The following SPCS2 variants were observed in gnomAD, a reference collection of about 807,000 sequenced individuals.
The protein encoded by SPCS2 is SPase 25 kDa subunit.
In SPCS2, 3 loss-of-function variants were observed where a neutral mutation model predicts 22.3. That is an observed-to-expected ratio of 0.13 (90% CI 0.06 to 0.35). SPCS2 has a LOEUF of 0.35. Ranked by LOEUF, SPCS2 falls within the 10% of genes least tolerant of loss-of-function variation. The pLI is 1.00. For synonymous variants in SPCS2, 67 were observed against 97.2 expected (o/e 0.69, Z 1.83); for missense variants, 169 against 280.9 (o/e 0.60, Z 2.85).
intron 1 of SPCS2, among the ~76,000 whole-genome samples, chr11:74,952,823 G>A (rs1451205877): frequency 6.6e-6 from 1 of 152,150 alleles, no homozygotes; most frequent in Non-Finnish European, 1.5e-5. Context: ...GCCTTTTCTT[G>A]GAAAACTTAG....
Position 74,949,333 on chromosome 11 carries a change from C to T in SPCS2, c.48C>T (p.Gly16=), listed in dbSNP as rs532790824. The part of the protein sequence containing the change: ...VQGGRSGGSG[G]CSGAGGASNC... Reference sequence around the variant, plus strand: ...GCGGGAGAAGCGGTGGTAGCGGAGGCTGTAGTGGGGCTGGTGGTGCTTCCA... The same window carrying T: ...GCGGGAGAAGCGGTGGTAGCGGAGGTTGTAGTGGGGCTGGTGGTGCTTCCA... The change falls in exon 1 of 5, where the codon GGC becomes GGT. Residue 16 remains glycine (G), a synonymous_variant. Coordinates refer to ENST00000263672, the MANE Select transcript of SPCS2 (RefSeq NM_014752.3). 6.4e-7 allele frequency: 1 copy of T among 1,551,160 alleles called. No individual in the cohort carries two copies. The highest frequency in any genetic ancestry group is 1.2e-5 in the South Asian group (1 of 84,040).
intron 1 of SPCS2, among the ~76,000 whole-genome samples, chr11:74,952,234 G>A (rs1948450910): frequency 2.0e-5 from 3 of 152,086 alleles, no homozygotes; most frequent in Admixed American, 6.5e-5. Flanking sequence ...TATTAGGTTG[G>A]TGCAAAAGTA....
At chr11:74,968,027 A>G (rs1244087060) in intron 3 of SPCS2, among the ~76,000 whole-genome samples, 1 of 152,192 alleles carries the variant, frequency 6.6e-6, no homozygotes, top group African/African-American at 2.4e-5. Flanking sequence ...CCAATTTTAA[A>G]GGTAAGGATA....
rs11344190 is a variant in SPCS2, at chr11:74,953,217, A to ATT, written c.114+3832_114+3833dup. Reference sequence around the variant, plus strand: ...ATGAGAAGCTATTACCTTTAATATAATTTTTTTTTTTTTTTGAGACAGAGT... The same window carrying ATT: ...ATGAGAAGCTATTACCTTTAATATAATTTTTTTTTTTTTTTTTGAGACAGAGT... On this transcript the variant is annotated intron_variant, in intron 1 of 4. Coordinates refer to ENST00000263672, the MANE Select transcript of SPCS2 (RefSeq NM_014752.3). 6.1e-3 allele frequency among the ~76,000 whole-genome samples: 870 copies of ATT among 143,372 alleles called. 6 individuals carry two copies. Among genetic ancestry groups the ATT allele is most frequent in the African/African-American group, 0.021 (820 of 39,424 alleles). 94.1% of individuals were successfully genotyped at this position (143,372 alleles called of 152,430 possible).
At chr11:74,971,407 G>A (rs1322805597) in intron 4 of SPCS2, among the ~76,000 whole-genome samples, 1 of 152,188 alleles carries the variant, frequency 6.6e-6, no homozygotes, top group Non-Finnish European at 1.5e-5. Flanking sequence ...CTCTTTGTTT[G>A]ATGAACTGCC....
intron 1 of SPCS2, among the ~76,000 whole-genome samples, chr11:74,956,058 C>T (rs1034360277): frequency 1.3e-5 from 2 of 151,410 alleles, no homozygotes; most frequent in Admixed American, 1.3e-4. Flanking sequence ...GCTTCTAGGA[C>T]ACCACTTGCC....
Position 74,978,798 on chromosome 11 carries a change from G to A in SPCS2, c.*1755G>A, listed in dbSNP as rs1948629487. 6.6e-6 allele frequency: 1 copy of A among 152,112 alleles called. No individual in the cohort carries two copies. The highest frequency in any genetic ancestry group is 2.4e-5 in the African/African-American group (1 of 41,396). The allele number at this position is 152,112 out of a possible 1,614,324, so 9.4% of individuals were successfully genotyped here. A position where few individuals can be genotyped will look rare whatever the true frequency, so the allele number is the denominator to read the frequency against. On this transcript the variant is annotated 3_prime_UTR_variant, in exon 5 of 5. Transcript: ENST00000263672. ...GTACTGTTAGACACAAGGGTCTCGAGGCTTGCAGATAGAGACTGAATAACC... is the reference window on the plus strand; with the variant it reads ...GTACTGTTAGACACAAGGGTCTCGAAGCTTGCAGATAGAGACTGAATAACC...
chr11:74,951,656 C>G (rs1591733790), intron 1 of SPCS2, among the ~76,000 whole-genome samples: 1 of 151,662 alleles, frequency 6.6e-6, no homozygotes, highest in Admixed American at 6.6e-5. Context: ...ACTAAAAATA[C>G]AAAATTAGCG....
chr11:74,976,838 T>C lies in SPCS2; in HGVS notation c.495-19T>C. 1 of 1,613,648 alleles carries C rather than the reference T, an allele frequency of 6.2e-7. No homozygotes were observed. Among genetic ancestry groups the C allele is most frequent in the African/African-American group, 1.3e-5 (1 of 75,048 alleles). ...TCTGTGTTTGGTTTTTAATTTGTTA[T>C]CTTTGCCCCCATGCTTAGGTTTGAT... is the stretch of plus-strand genomic sequence containing the variant. On this transcript the variant is annotated intron_variant, in intron 4 of 4. Transcript: ENST00000263672.
chr11:74,958,454 G>A (rs79436799), intron 1 of SPCS2, among the ~76,000 whole-genome samples: 3,705 of 152,202 alleles, frequency 0.024, 134 homozygotes, highest in African/African-American at 0.085. Flanking sequence ...TCTTAAGATA[G>A]ACATCATTTT....
chr11:74,966,148 G>A (rs1033289194), intron 3 of SPCS2, among the ~76,000 whole-genome samples: 1 of 152,114 alleles, frequency 6.6e-6, no homozygotes, highest in African/African-American at 2.4e-5. Flanking sequence ...ATTCATTTTT[G>A]TTATTAATGT....
intron 3 of SPCS2, among the ~76,000 whole-genome samples, chr11:74,967,104 C>T (rs923277651): frequency 1.3e-5 from 2 of 152,200 alleles, no homozygotes; most frequent in Middle Eastern, 3.2e-3. Context: ...GTTAGCAAAC[C>T]TCTGATAAAG....
Position 74,949,408 on chromosome 11 carries a change from C to T in SPCS2, c.114+9C>T, listed in dbSNP as rs1380814634. 1.3e-6 allele frequency: 2 copies of T among 1,549,932 alleles called. No individual in the cohort carries two copies. The highest frequency in any genetic ancestry group is 8.7e-7 in the Non-Finnish European group (1 of 1,145,696). ...GCGGCTTGTTGGATAAGGTGAGGAGCCGGTTCTTGGGAACAGTTGAATCCT... is the reference window on the plus strand; with the variant it reads ...GCGGCTTGTTGGATAAGGTGAGGAGTCGGTTCTTGGGAACAGTTGAATCCT... On this transcript the variant is annotated intron_variant, in intron 1 of 4. Coordinates refer to ENST00000263672, the MANE Select transcript of SPCS2 (RefSeq NM_014752.3).
chr11:74,969,220 G>GT (rs1381026920), intron 3 of SPCS2, among the ~76,000 whole-genome samples: 1 of 152,146 alleles, frequency 6.6e-6, no homozygotes, highest in Non-Finnish European at 1.5e-5. Context: ...ACTATTCGTT[G>GT]TTTTTTATAA....
In SPCS2 at chr11:74,976,814, CTG is replaced by C. The variant is rs772430917; in HGVS notation, c.495-39_495-38del. On this transcript the variant is annotated intron_variant, in intron 4 of 4. Coordinates refer to ENST00000263672, the MANE Select transcript of SPCS2 (RefSeq NM_014752.3). The stretch of plus-strand genomic sequence containing the variant: ...TGCCGTATTGTTACTGGTTGAATCT[CTG>C]TGTTTGGTTTTTAATTTGTTATCTT... 4 of 1,611,662 alleles carry C rather than the reference CTG, an allele frequency of 2.5e-6. No individual in the cohort carries two copies. The African/African-American group carries it at 4.0e-5, about 16-fold the overall frequency.
chr11:74,975,330 GC>G (rs2140222296), intron 4 of SPCS2, among the ~76,000 whole-genome samples: 1 of 152,050 alleles, frequency 6.6e-6, no homozygotes, highest in South Asian at 2.1e-4. Context: ...AGGCTTTTCT[GC>G]CCATCTATTT....
intron 1 of SPCS2, among the ~76,000 whole-genome samples, chr11:74,951,030 A>G (rs916893958): frequency 6.6e-6 from 1 of 152,328 alleles, no homozygotes; most frequent in Non-Finnish European, 1.5e-5. Flanking sequence ...TCTTCCTTGC[A>G]CTTGGATCAT....
intron 1 of SPCS2, among the ~76,000 whole-genome samples, chr11:74,960,311 A>C (rs1948504741): frequency 6.6e-6 from 1 of 152,212 alleles, no homozygotes; most frequent in Admixed American, 6.5e-5. Flanking sequence ...AGCCTGGGTG[A>C]CAGAGTAAGA....
At chr11:74,967,811 A>G (rs753315312) in intron 3 of SPCS2, among the ~76,000 whole-genome samples, 3 of 152,118 alleles carry the variant, frequency 2.0e-5, no homozygotes, top group Admixed American at 6.6e-5. Context: ...GCACACACCT[A>G]TAATCCCAGC....
Sources: allele counts gnomAD v4.1 joint callset (sites outside exome capture counted in the v4.1 genomes callset), GRCh38; gene constraint gnomAD v4.1.1; transcripts MANE v1.5; gene names NCBI Gene and HGNC (gene_info 2026-07-23, HGNC 2026-07-21).